The following SPATS2L variants were observed in gnomAD, a reference collection of about 807,000 sequenced individuals.
SPATS2L encodes the protein spermatogenesis associated serine rich 2 like.
Under a neutral mutation model 59.6 loss-of-function variants are expected in SPATS2L, and 30 were observed. The ratio of observed to expected loss-of-function variants is 0.50; its 90% CI spans 0.38 to 0.68. The LOEUF (loss-of-function observed/expected upper bound fraction) is 0.68, where lower values mean the gene tolerates loss of function less well. Among genes scored for constraint, SPATS2L ranks in the 30% least tolerant of loss-of-function variants. The pLI is 0.00. For synonymous variants in SPATS2L, 252 were observed against 263.5 expected (o/e 0.96, Z 0.42); for missense variants, 615 against 700.0 (o/e 0.88, Z 1.37).
intron 3 of SPATS2L, among the ~76,000 whole-genome samples, chr2:200,394,187 A>G (rs1052115140): frequency 6.6e-6 from 1 of 152,238 alleles, no homozygotes; most frequent in Admixed American, 6.5e-5. Context: ...TCTTCGGCAT[A>G]ACATACATCC....
intron 2 of SPATS2L, among the ~76,000 whole-genome samples, chr2:200,380,645 T>C (rs1415041676): frequency 6.6e-6 from 1 of 152,264 alleles, no homozygotes; most frequent in East Asian, 1.9e-4. Flanking sequence ...GCAGTGACAT[T>C]TCTAAACCAA....
intron 8 of SPATS2L, among the ~76,000 whole-genome samples, chr2:200,453,204 G>T (rs141917692): frequency 1.2e-3 from 179 of 152,308 alleles, no homozygotes; most frequent in African/African-American, 4.3e-3. Context: ...CAGCATAGAG[G>T]GTGCAGGAGA....
chr2:200,435,647 C>T (rs1016314606), intron 6 of SPATS2L, among the ~76,000 whole-genome samples: 7 of 152,076 alleles, frequency 4.6e-5, no homozygotes, highest in African/African-American at 1.7e-4. Context: ...ATCACCCTGT[C>T]ACCACTTTTC....
At chr2:200,406,402 A>G (rs1481486398) in intron 3 of SPATS2L, among the ~76,000 whole-genome samples, 1 of 150,116 alleles carries the variant, frequency 6.7e-6, no homozygotes, top group Non-Finnish European at 1.5e-5. Context: ...TCAAACTAGC[A>G]CAAGTTTAAA....
chr2:200,474,481 T>G (rs1162377218), intron 12 of SPATS2L, among the ~76,000 whole-genome samples: 1 of 152,060 alleles, frequency 6.6e-6, no homozygotes, highest in Non-Finnish European at 1.5e-5. Context: ...TAAATTTTTT[T>G]GTATAATTTT....
intron 2 of SPATS2L, among the ~76,000 whole-genome samples, chr2:200,355,612 C>T (rs2080888979): frequency 6.6e-6 from 1 of 152,214 alleles, no homozygotes; most frequent in Non-Finnish European, 1.5e-5. Context: ...AGTCAGAGAA[C>T]TTGATACATT....
chr2:200,474,764 A>C (rs1006315612), intron 12 of SPATS2L, among the ~76,000 whole-genome samples: 1 of 152,140 alleles, frequency 6.6e-6, no homozygotes, highest in African/African-American at 2.4e-5. Flanking sequence ...GTAATGGCTC[A>C]TTTAAGTTGA....
intron 3 of SPATS2L, among the ~76,000 whole-genome samples, chr2:200,394,715 C>T (rs1004103902): frequency 6.6e-6 from 1 of 152,196 alleles, no homozygotes; most frequent in Non-Finnish European, 1.5e-5. Context: ...GAAATGTCAT[C>T]TCATTTTAGT....
intron 2 of SPATS2L, among the ~76,000 whole-genome samples, chr2:200,383,387 A>AGACAGCTTATATTCCTTTTTTT (rs2081887979): frequency 6.6e-6 from 1 of 152,218 alleles, no homozygotes; most frequent in South Asian, 2.1e-4. Context: ...AGTATTAATG[A>AGACAGCTTATATTCCTTTTTTT]GACAGCTTAT....
chr2:200,417,163 G>A (rs1230137075), intron 5 of SPATS2L, among the ~76,000 whole-genome samples: 1 of 152,142 alleles, frequency 6.6e-6, no homozygotes, highest in South Asian at 2.1e-4. Context: ...CTTGTGTTTC[G>A]GATTTCCCAG....
At chr2:200,454,436 A>AG (rs2085691644) in intron 8 of SPATS2L, among the ~76,000 whole-genome samples, 1 of 152,210 alleles carries the variant, frequency 6.6e-6, no homozygotes, top group African/African-American at 2.4e-5. Flanking sequence ...AGCCTTTCAC[A>AG]GGGGAGAAAA....
At chr2:200,314,095 A>G (rs2079281583) in intron 1 of SPATS2L, among the ~76,000 whole-genome samples, 1 of 152,140 alleles carries the variant, frequency 6.6e-6, no homozygotes, top group African/African-American at 2.4e-5. Context: ...CATTGATTCC[A>G]TTGTAAATCT....
At chr2:200,307,032 C>T (rs2079040366) in intron 1 of SPATS2L, 110 bp downstream of exon 1, 1 of 907,796 alleles carries the variant, frequency 1.1e-6, no homozygotes, top group Non-Finnish European at 1.3e-6. Context: ...GAGCATTCCG[C>T]AGCCCGGGCC....
At chr2:200,472,204 A>G (rs2087101112) in intron 11 of SPATS2L, among the ~76,000 whole-genome samples, 1 of 152,224 alleles carries the variant, frequency 6.6e-6, no homozygotes, top group Non-Finnish European at 1.5e-5. Context: ...GGCTGATTAA[A>G]GGTGTGATGA....
At position 200,326,901 on chromosome 2, in the gene SPATS2L, A is replaced by AC. The variant is rs766837685; in HGVS notation, c.-72-2530_-72-2529insC. Among the ~76,000 whole-genome samples, 453 of 99,084 alleles carry AC rather than the reference A, an allele frequency of 4.6e-3. 5 individuals are homozygous for AC. The highest frequency in any genetic ancestry group is 0.016 in the African/African-American group (439 of 27,326). 65.0% of individuals were successfully genotyped at this position (99,084 alleles called of 152,430 possible). On this transcript the variant is annotated intron_variant, in intron 1 of 12. Coordinates refer to ENST00000409140, the MANE Select transcript of SPATS2L (RefSeq NM_001100423.2). ...AGGCGTGTGCCACCATGCCCGGCTAATTTTTTTTTTTTTTTTTTTTTTTTT... is the reference window on the plus strand; with the variant it reads ...AGGCGTGTGCCACCATGCCCGGCTAACTTTTTTTTTTTTTTTTTTTTTTTTT...
intron 1 of SPATS2L, among the ~76,000 whole-genome samples, chr2:200,311,970 G>T (rs186495621): frequency 2.0e-5 from 3 of 152,250 alleles, no homozygotes; most frequent in Admixed American, 6.5e-5. Context: ...CCAATTTGTT[G>T]ACTTTACATC....
intron 3 of SPATS2L, chr2:200,393,000 TA>T (rs1484052243): frequency 6.0e-6 from 2 of 334,196 alleles, no homozygotes; most frequent in South Asian, 2.4e-5. Flanking sequence ...GGCCATTGAG[TA>T]AAAAATAGCA....
chr2:200,412,474 T>G, intron 4 of SPATS2L, 55 bp downstream of exon 4: 1 of 965,306 alleles, frequency 1.0e-6, no homozygotes, highest in East Asian at 2.7e-5. Context: ...ATTCCAGATA[T>G]TCCATATTTT....
intron 6 of SPATS2L, among the ~76,000 whole-genome samples, chr2:200,422,754 G>A (rs13035428): frequency 3.9e-5 from 6 of 152,014 alleles, no homozygotes; most frequent in East Asian, 1.9e-4. Context: ...CTGAAATCAC[G>A]TACACTGTTT....
Sources: allele counts gnomAD v4.1 joint callset (sites outside exome capture counted in the v4.1 genomes callset), GRCh38; gene constraint gnomAD v4.1.1; transcripts MANE v1.5; gene names NCBI Gene and HGNC (gene_info 2026-07-23, HGNC 2026-07-21).